The following CSMD1 variants were observed in gnomAD, a reference collection of about 807,000 sequenced individuals.
The protein encoded by CSMD1 is CUB and Sushi multiple domains 1, also known as CUB and sushi domain-containing protein 1.
CSMD1 carries 213 observed loss-of-function variants against 417.5 expected under a neutral mutation model. The observed-to-expected ratio is 0.51, with a 90% CI of 0.46 to 0.57. The LOEUF is 0.57. CSMD1 is among the 20% of genes least tolerant of loss of function. CSMD1 has a pLI of 0.00. For synonymous variants in CSMD1, 2,862 were observed against 1,736.8 expected (o/e 1.65, Z -16.11); for missense variants, 6,923 against 4,529.7 (o/e 1.53, Z -15.17).
intron 9 of CSMD1, among the ~76,000 whole-genome samples, chr8:3,585,520 G>A (rs1800562601): frequency 6.6e-6 from 1 of 151,998 alleles, no homozygotes; most frequent in African/African-American, 2.4e-5. Flanking sequence ...TTTTCAATAT[G>A]ATTTCTGTAA....
At chr8:4,768,403 A>C (rs10503277) in intron 1 of CSMD1, among the ~76,000 whole-genome samples, 62,989 of 152,018 alleles carry the variant, frequency 0.41, 13,592 homozygotes, top group Admixed American at 0.58. Context: ...CCTTCCATAC[A>C]GTCTGCCGGG....
chr8:3,915,417 A>AC (rs1272996715), intron 5 of CSMD1, among the ~76,000 whole-genome samples: 7 of 149,754 alleles, frequency 4.7e-5, no homozygotes, highest in African/African-American at 1.8e-4. Context: ...AAAAAAAAAA[A>AC]AAAAAAAAAA....
At chr8:4,759,343 C>A (rs1280510718) in intron 1 of CSMD1, among the ~76,000 whole-genome samples, 1 of 152,098 alleles carries the variant, frequency 6.6e-6, no homozygotes, top group East Asian at 1.9e-4. Flanking sequence ...CCAGCAATGC[C>A]AATAAAGGGC....
intron 5 of CSMD1, among the ~76,000 whole-genome samples, chr8:3,939,301 C>T (rs535623288): frequency 5.3e-5 from 8 of 152,024 alleles, no homozygotes; most frequent in South Asian, 4.2e-4. Context: ...AAATTAAAAC[C>T]GCAATGAGAT....
intron 9 of CSMD1, among the ~76,000 whole-genome samples, chr8:3,585,893 A>G (rs1445318697): frequency 6.6e-6 from 1 of 152,180 alleles, no homozygotes; most frequent in Non-Finnish European, 1.5e-5. Flanking sequence ...TATACTCAGT[A>G]TGTGTGGATT....
chr8:4,315,818 C>G (rs1231493203), intron 3 of CSMD1, among the ~76,000 whole-genome samples: 3 of 152,022 alleles, frequency 2.0e-5, no homozygotes, highest in Non-Finnish European at 4.4e-5. Context: ...TTTCTTTATT[C>G]TTCAGAAGCG....
intron 1 of CSMD1, among the ~76,000 whole-genome samples, chr8:4,869,173 G>A (rs755831235): frequency 2.0e-5 from 3 of 151,728 alleles, no homozygotes; most frequent in Non-Finnish European, 4.4e-5. Context: ...TAATAAATAT[G>A]GCAATAATAA....
In CSMD1 at chr8:3,376,799, T is replaced by C. The variant is rs564853539; in HGVS notation, c.2783-7429A>G. 7.0e-3 allele frequency among the ~76,000 whole-genome samples: 1,063 copies of C among 152,120 alleles called. 7 individuals are homozygous for C. The highest frequency in any genetic ancestry group is 0.024 in the African/African-American group (1,012 of 41,536). On this transcript the variant is annotated intron_variant, in intron 18 of 69. Transcript: ENST00000635120. ...GATATACAATATTATAATTATTTTTTTTTCTTTTCTGAAAGCTATGAATGT... is the reference window on the plus strand; with the variant it reads ...GATATACAATATTATAATTATTTTTCTTTCTTTTCTGAAAGCTATGAATGT...
intron 1 of CSMD1, among the ~76,000 whole-genome samples, chr8:4,641,444 T>C (rs1803181916): frequency 6.6e-6 from 1 of 152,166 alleles, no homozygotes; most frequent in South Asian, 2.1e-4. Flanking sequence ...CAGTCATTTT[T>C]AAATTCTGTC....
At chr8:3,358,710 G>T (rs185141068) in intron 21 of CSMD1, among the ~76,000 whole-genome samples, 2 of 152,098 alleles carry the variant, frequency 1.3e-5, no homozygotes, top group African/African-American at 4.8e-5. Flanking sequence ...TCCCATCAAA[G>T]GCTGCCACTG....
chr8:4,777,107 G>T (rs1299376109), intron 1 of CSMD1, among the ~76,000 whole-genome samples: 1 of 152,148 alleles, frequency 6.6e-6, no homozygotes, highest in Non-Finnish European at 1.5e-5. Flanking sequence ...TAATAATGCT[G>T]CCAGACAATA....
intron 3 of CSMD1, among the ~76,000 whole-genome samples, chr8:4,155,305 G>C (rs917881809): frequency 6.6e-6 from 1 of 152,170 alleles, no homozygotes; most frequent in Non-Finnish European, 1.5e-5. Context: ...CAAGATCAGC[G>C]TTTGGGTCTC....
intron 3 of CSMD1, among the ~76,000 whole-genome samples, chr8:4,185,667 G>A (rs1278404776): frequency 6.6e-6 from 1 of 152,136 alleles, no homozygotes; most frequent in Non-Finnish European, 1.5e-5. Flanking sequence ...ACATAGTCAC[G>A]TAAATGCCCA....
rs141392398 is a variant in CSMD1, at chr8:3,090,777, G to A, written c.7285+739C>T. Among the ~76,000 whole-genome samples the A allele has an allele frequency of 3.3e-3, 503 of 152,242 alleles. 1 individual carries two copies. Among genetic ancestry groups the A allele is most frequent in the African/African-American group, 0.011 (460 of 41,542 alleles). ...ATTTTGAGAAAAGTTTAGATTTTCT[G>A]CTTAGTAATTGAAATGTGCTCAGGA... On this transcript the variant is annotated intron_variant, in intron 48 of 69. Coordinates refer to ENST00000635120, the MANE Select transcript of CSMD1 (RefSeq NM_033225.6).
intron 1 of CSMD1, among the ~76,000 whole-genome samples, chr8:4,720,798 C>T (rs1261495818): frequency 2.0e-5 from 3 of 152,076 alleles, no homozygotes; most frequent in African/African-American, 7.2e-5. Flanking sequence ...CTTAGAATTC[C>T]ATCTAAAGAT....
At chr8:4,215,338 C>A (rs946702237) in intron 3 of CSMD1, among the ~76,000 whole-genome samples, 1 of 152,108 alleles carries the variant, frequency 6.6e-6, no homozygotes. Context: ...TTTTAGATGT[C>A]CACAGATGGC....
At chr8:3,875,119 A>T (rs540472421) in intron 5 of CSMD1, among the ~76,000 whole-genome samples, 2 of 138,818 alleles carry the variant, frequency 1.4e-5, no homozygotes, top group African/African-American at 5.9e-5. Context: ...TCAGGAACAC[A>T]TTGTGGGGTT....
At chr8:4,469,828 A>C (rs1386452379) in intron 2 of CSMD1, among the ~76,000 whole-genome samples, 1 of 151,942 alleles carries the variant, frequency 6.6e-6, no homozygotes, top group African/African-American at 2.4e-5. Flanking sequence ...AAAGTCCTTA[A>C]AATGACTCGC....
chr8:3,732,148 G>A (rs866628833), intron 6 of CSMD1, among the ~76,000 whole-genome samples: 1 of 152,214 alleles, frequency 6.6e-6, no homozygotes, highest in Non-Finnish European at 1.5e-5. Context: ...CCACGGGCAA[G>A]CCCTGAGTTC....
Sources: gnomAD v4.1 joint callset for allele counts (sites outside exome capture counted in the v4.1 genomes callset) on GRCh38, gnomAD v4.1.1 for gene constraint, MANE v1.5 for transcripts, NCBI Gene and HGNC (gene_info 2026-07-23, HGNC 2026-07-21) for gene names.